The following VPS13C variants were observed in gnomAD, a reference collection of about 807,000 sequenced individuals.
The protein encoded by VPS13C is intermembrane lipid transfer protein VPS13C.
VPS13C carries 358 observed loss-of-function variants against 456.8 expected under a neutral mutation model. The ratio of observed to expected loss-of-function variants is 0.78; its 90% CI spans 0.72 to 0.86. The LOEUF (loss-of-function observed/expected upper bound fraction) is 0.86, where lower values mean the gene tolerates loss of function less well. Ranked by LOEUF, VPS13C falls within the 40% of genes least tolerant of loss-of-function variation. The pLI is 0.00. For missense variants in VPS13C, 4,818 were observed against 4,385.4 expected (o/e 1.10, Z -2.79); for synonymous variants, 1,578 against 1,486.7 (o/e 1.06, Z -1.41).
chr15:62,050,356 T>C (rs34311301), intron 1 of VPS13C, among the ~76,000 whole-genome samples: 9,085 of 152,242 alleles, frequency 0.06, 340 homozygotes, highest in Non-Finnish European at 0.084. Flanking sequence ...GGGAGGAGGG[T>C]AGACAATATA....
At chr15:62,029,793 A>G (rs2047750705) in intron 5 of VPS13C, among the ~76,000 whole-genome samples, 1 of 152,154 alleles carries the variant, frequency 6.6e-6, no homozygotes. Context: ...CAAAATTCTA[A>G]TTTTTAACCT....
intron 14 of VPS13C, 74 bp downstream of exon 14, chr15:62,008,581 G>T: frequency 1.0e-6 from 1 of 1,001,578 alleles, no homozygotes; most frequent in South Asian, 2.2e-5. Flanking sequence ...GCTTTTAAAG[G>T]TTGCTTAACT....
chr15:61,991,072 T>C lies in VPS13C; in HGVS notation c.1506A>G (p.Pro502=). The part of the protein sequence containing the change: ...IPETIDDLMT[P]EEKDKLFTAI... Reference sequence around the variant, plus strand: ...CAGTGAAGAGTTTATCTTTTTCCTCTGGAGTCATAAGGTCATCAATAGCTA... The same window carrying C: ...CAGTGAAGAGTTTATCTTTTTCCTCCGGAGTCATAAGGTCATCAATAGCTA... The change falls in exon 18 of 85, where the codon CCA becomes CCG. Residue 502 remains proline (P), a synonymous_variant. Transcript: ENST00000644861. 4.3e-6 allele frequency: 7 copies of C among 1,612,332 alleles called. No homozygotes were observed. The highest frequency in any genetic ancestry group is 5.1e-6 in the Non-Finnish European group (6 of 1,179,388).
intron 16 of VPS13C, among the ~76,000 whole-genome samples, chr15:61,994,309 A>G (rs569782892): frequency 6.6e-5 from 10 of 152,320 alleles, no homozygotes; most frequent in African/African-American, 2.4e-4. Context: ...CATTTAAGCT[A>G]AAGCAACTTA....
At chr15:61,892,746 C>A (rs2042689792) in intron 66 of VPS13C, among the ~76,000 whole-genome samples, 1 of 152,022 alleles carries the variant, frequency 6.6e-6, no homozygotes, top group Non-Finnish European at 1.5e-5. Flanking sequence ...ACTTCCAAGG[C>A]AACACAGAAA....
At chr15:61,947,039 T>C (rs978544957) in intron 43 of VPS13C, among the ~76,000 whole-genome samples, 154 bp downstream of exon 43, 1 of 152,134 alleles carries the variant, frequency 6.6e-6, no homozygotes, top group African/African-American at 2.4e-5. Context: ...ACAAATTTAC[T>C]TGTAACATTT....
At chr15:62,039,281 C>A (rs2048163834) in intron 3 of VPS13C, among the ~76,000 whole-genome samples, 1 of 152,080 alleles carries the variant, frequency 6.6e-6, no homozygotes, top group Admixed American at 6.6e-5. Flanking sequence ...ATGTCCCCTA[C>A]AGCAAGATGG....
At chr15:61,893,792 T>C (rs1450901338) in intron 66 of VPS13C, among the ~76,000 whole-genome samples, 1 of 152,116 alleles carries the variant, frequency 6.6e-6, no homozygotes, top group African/African-American at 2.4e-5. Flanking sequence ...TTGGTTTCCT[T>C]GCTTTCCTTT....
intron 66 of VPS13C, among the ~76,000 whole-genome samples, chr15:61,901,414 G>GA (rs752651235): frequency 2.0e-5 from 3 of 151,050 alleles, no homozygotes; most frequent in South Asian, 4.2e-4. Flanking sequence ...AAATTTACAA[G>GA]AAAAAAAACA....
At chr15:62,034,564 C>T (rs1365836441) in intron 4 of VPS13C, among the ~76,000 whole-genome samples, 1 of 151,196 alleles carries the variant, frequency 6.6e-6, no homozygotes, top group Non-Finnish European at 1.5e-5. Context: ...TCAGAAGCAA[C>T]AAAATAGGAA....
chr15:62,003,846 A>C (rs2046728716), intron 15 of VPS13C, among the ~76,000 whole-genome samples: 1 of 151,752 alleles, frequency 6.6e-6, no homozygotes, highest in Non-Finnish European at 1.5e-5. Flanking sequence ...ATGTTGAACC[A>C]GCCTTGCATC....
intron 14 of VPS13C, 44 bp downstream of exon 14, chr15:62,008,611 T>A (rs376835600): frequency 7.2e-7 from 1 of 1,381,488 alleles, no homozygotes; most frequent in Non-Finnish European, 9.9e-7. Flanking sequence ...ACTAAATATA[T>A]GATTATATGT....
In VPS13C at chr15:62,010,661, A is replaced by G. The variant is rs1042394339; in HGVS notation, c.884-62T>C. ...TGCTTTTACATATAAACAAGTGTAA[A>G]TAATTATGAGAACACTGTTACTCTA... On this transcript the variant is annotated intron_variant, in intron 12 of 84. Coordinates refer to ENST00000644861, the MANE Select transcript of VPS13C (RefSeq NM_020821.3). 3.9e-5 allele frequency: 56 copies of G among 1,440,006 alleles called. No individual in the cohort carries two copies. The Middle Eastern group carries it at 5.5e-4, about 14-fold the overall frequency. 89.2% of individuals were successfully genotyped at this position (1,440,006 alleles called of 1,614,324 possible). A position where few individuals can be genotyped will look rare whatever the true frequency, so the allele number is the denominator to read the frequency against.
At chr15:61,931,068 T>C (rs755405377) in intron 50 of VPS13C, 22 bp downstream of exon 50, 5 of 1,613,396 alleles carry the variant, frequency 3.1e-6, no homozygotes, top group South Asian at 2.2e-5. Context: ...AATAATGTAT[T>C]GCAAACTCAG....
chr15:61,965,469 A>G (rs1204183800), intron 30 of VPS13C, among the ~76,000 whole-genome samples: 3 of 151,924 alleles, frequency 2.0e-5, no homozygotes, highest in Admixed American at 6.6e-5. Context: ...AAGAATGGGT[A>G]GTTTTCTAAT....
chr15:61,961,275 C>A (rs1367934230), intron 35 of VPS13C, among the ~76,000 whole-genome samples: 1 of 151,370 alleles, frequency 6.6e-6, no homozygotes, highest in Non-Finnish European at 1.5e-5. Context: ...GTCTATAGTC[C>A]CAGCTACTCG....
intron 1 of VPS13C, among the ~76,000 whole-genome samples, chr15:62,053,579 T>C (rs1357283999): frequency 6.6e-6 from 1 of 152,240 alleles, no homozygotes; most frequent in Non-Finnish European, 1.5e-5. Flanking sequence ...TCTCACGTTG[T>C]TCTTGCCTTG....
intron 59 of VPS13C, among the ~76,000 whole-genome samples, 183 bp from the exon 60 acceptor site, chr15:61,917,818 C>T (rs1455927893): frequency 6.6e-6 from 1 of 151,626 alleles, no homozygotes; most frequent in East Asian, 2.0e-4. Flanking sequence ...ACATAGCTAA[C>T]TTACGGAGGA....
rs778454183 is a variant in VPS13C, at chr15:61,854,534, C to T, written c.11185G>A (p.Ala3729Thr). The T allele has an allele frequency of 6.2e-7, 1 of 1,614,076 alleles. No individual in the cohort carries two copies. The highest frequency in any genetic ancestry group is 8.5e-7 in the Non-Finnish European group (1 of 1,179,976). ...TTTTGCTGCTGTCTCGTTGACTGTG[C>T]ATCCTCAATGGCATTACATGCTCTC... ...AERACNAIED[A>T]QSTRQQQKLM... Residue 3729 changes from alanine to threonine, a missense_variant, in exon 85 of 85, where the codon GCA becomes ACA. Coordinates refer to ENST00000644861, the MANE Select transcript of VPS13C (RefSeq NM_020821.3).
Sources: gnomAD v4.1 joint callset for allele counts (sites outside exome capture counted in the v4.1 genomes callset) on GRCh38, gnomAD v4.1.1 for gene constraint, MANE v1.5 for transcripts, NCBI Gene and HGNC (gene_info 2026-07-23, HGNC 2026-07-21) for gene names.